Variants in SOX6 observed in about 807,000 individuals in gnomAD.
The protein encoded by SOX6 is transcription factor SOX-6.
SOX6 carries 11 observed loss-of-function variants against 97.8 expected under a neutral mutation model. The ratio of observed to expected loss-of-function variants is 0.11; its 90% CI spans 0.07 to 0.19. The LOEUF (loss-of-function observed/expected upper bound fraction) is 0.19, where lower values mean the gene tolerates loss of function less well. Ranked by LOEUF, SOX6 falls within the 10% of genes least tolerant of loss-of-function variation. The probability of loss-of-function intolerance (pLI) is 1.00; values close to 1 mark genes in which losing one functional copy is unlikely to be tolerated. For missense variants in SOX6, 810 were observed against 1,039.5 expected, an observed-to-expected ratio of 0.78 and a Z score of 3.04; for synonymous variants, 360 against 371.4, an observed-to-expected ratio of 0.97 and a Z score of 0.35.
chr11:16,134,758 G>A (rs1023443256), intron 6 of SOX6, among the ~76,000 whole-genome samples: 6 of 152,202 alleles, frequency 3.9e-5, no homozygotes, highest in African/African-American at 1.4e-4. Flanking sequence ...CCACTGACCA[G>A]CTGTTCCCCT....
chr11:16,046,772 C>A, intron 11 of SOX6, 71 bp from the exon 12 acceptor site: 1 of 1,460,824 alleles, frequency 6.8e-7, no homozygotes, highest in Non-Finnish European at 9.5e-7. Flanking sequence ...ACTATCCCCT[C>A]CCCTGTAGAA....
At chr11:16,438,840 T>C (rs994020088) in intron 1 of SOX6, among the ~76,000 whole-genome samples, 3 of 152,160 alleles carry the variant, frequency 2.0e-5, no homozygotes, top group African/African-American at 7.2e-5. Context: ...GAGATCCCCT[T>C]GCTCGCTCCT....
At position 16,341,064 on chromosome 11, in the gene SOX6, G is replaced by C. The variant is rs1337316371; in HGVS notation, c.185C>G (p.Thr62Ser). Residue 62 changes from threonine to serine, a missense_variant, in exon 2 of 16, where the codon ACC (threonine) becomes AGC (serine). By Grantham distance (58) the Thr-to-Ser change is moderately conservative. Around this residue, in one of 9 missense-constraint regions of SOX6, gnomAD observed 100 missense variants for 94.6 expected, o/e 1.06. Transcript: ENST00000683767. Reference protein sequence around the residue: ...HSEELPTLVSTIQQDADWDSV... With the variant: ...HSEELPTLVSSIQQDADWDSV... ...GTCCCAGTCAGCATCTTGTTGAATGGTACTGACAAGTGTTGGTAGCTCCTC... is the reference window on the plus strand; with the variant it reads ...GTCCCAGTCAGCATCTTGTTGAATGCTACTGACAAGTGTTGGTAGCTCCTC... 6.2e-7 allele frequency: 1 copy of C among 1,613,450 alleles called. No individual in the cohort carries two copies. Among genetic ancestry groups the C allele is most frequent in the Admixed American group, 1.7e-5 (1 of 59,958 alleles).
intron 11 of SOX6, among the ~76,000 whole-genome samples, chr11:16,047,965 G>A (rs549358058): frequency 2.9e-4 from 44 of 152,064 alleles, no homozygotes; most frequent in African/African-American, 9.9e-4. Flanking sequence ...TCACCTGGAC[G>A]AGAGTGCTGT....
At chr11:16,621,638 TAATA>T (rs1355639500) in intron 3 of SOX6, among the ~76,000 whole-genome samples, 2 of 152,204 alleles carry the variant, frequency 1.3e-5, no homozygotes, top group African/African-American at 2.4e-5. Context: ...GCATAGAGTT[TAATA>T]AATCAACTAT....
intron 6 of SOX6, among the ~76,000 whole-genome samples, chr11:16,132,504 G>GC (rs201242008): frequency 0.03 from 4,347 of 145,564 alleles, 537 homozygotes; most frequent in Admixed American, 0.038. Flanking sequence ...AAGAAAGAAA[G>GC]AAAGCTTATC....
At chr11:16,408,645 CAGGATG>C (rs1858733410) in intron 1 of SOX6, 3 of 152,038 alleles carry the variant, frequency 2.0e-5, no homozygotes, top group Admixed American at 6.5e-5. Flanking sequence ...CTATTTTTTA[CAGGATG>C]AAATGAGATG....
chr11:15,978,903 A>T (rs903191565), intron 15 of SOX6, among the ~76,000 whole-genome samples: 1 of 138,552 alleles, frequency 7.2e-6, no homozygotes, highest in African/African-American at 2.6e-5. Context: ...TATTATATAT[A>T]ATATATATAA....
At chr11:16,411,299 T>C (rs1404203115) in intron 1 of SOX6, among the ~76,000 whole-genome samples, 2 of 152,170 alleles carry the variant, frequency 1.3e-5, no homozygotes, top group Non-Finnish European at 2.9e-5. Flanking sequence ...TTTAAAATTG[T>C]TCTAATGAGG....
At chr11:16,078,479 C>T (rs1208231050) in intron 9 of SOX6, among the ~76,000 whole-genome samples, 1 of 152,046 alleles carries the variant, frequency 6.6e-6, no homozygotes, top group Non-Finnish European at 1.5e-5. Flanking sequence ...GAATATATGT[C>T]AATTTACCAA....
chr11:16,421,810 G>C (rs1175071094), intron 1 of SOX6, among the ~76,000 whole-genome samples: 4 of 152,202 alleles, frequency 2.6e-5, no homozygotes, highest in Non-Finnish European at 5.9e-5. Flanking sequence ...TTAAGTATTG[G>C]AGTGAAAGCA....
At chr11:16,156,037 G>C (rs1200735940) in intron 6 of SOX6, among the ~76,000 whole-genome samples, 1 of 151,942 alleles carries the variant, frequency 6.6e-6, no homozygotes, top group South Asian at 2.1e-4. Context: ...CAGTTCCAGT[G>C]ATTTAGATTG....
At chr11:16,343,367 C>T (rs1364923455) in intron 1 of SOX6, among the ~76,000 whole-genome samples, 1 of 151,906 alleles carries the variant, frequency 6.6e-6, no homozygotes, top group African/African-American at 2.4e-5. Flanking sequence ...CCTCAACAAA[C>T]ATCCTCTTAT....
chr11:16,468,161 T>C (rs1389169359), intron 1 of SOX6, among the ~76,000 whole-genome samples: 2 of 152,200 alleles, frequency 1.3e-5, no homozygotes, highest in Non-Finnish European at 2.9e-5. Context: ...ACTGAATCAC[T>C]TTAATGTTGA....
chr11:16,554,335 G>A (rs1459686028), intron 4 of SOX6, among the ~76,000 whole-genome samples: 2 of 152,066 alleles, frequency 1.3e-5, no homozygotes, highest in Non-Finnish European at 1.5e-5. Context: ...AATCACAACA[G>A]AATGACCTGG....
chr11:16,361,002 CA>C (rs763865872), upstream of SOX6, among the ~76,000 whole-genome samples: 69 of 136,718 alleles, frequency 5.0e-4, no homozygotes, highest in Admixed American at 1.1e-3. Flanking sequence ...GACTCCATCT[CA>C]AAAAAAAAAA....
intron 6 of SOX6, among the ~76,000 whole-genome samples, chr11:16,173,420 A>G (rs1019177600): frequency 3.3e-5 from 5 of 151,892 alleles, no homozygotes; most frequent in African/African-American, 1.2e-4. Flanking sequence ...CTCCATATCA[A>G]TGCAGTATCT....
chr11:16,621,002 A>C (rs1848538129), intron 3 of SOX6, among the ~76,000 whole-genome samples: 1 of 152,208 alleles, frequency 6.6e-6, no homozygotes, highest in South Asian at 2.1e-4. Context: ...CTAAGCACCC[A>C]AAATGTGAAC....
chr11:16,575,629 CA>C (rs1847979824), intron 4 of SOX6, among the ~76,000 whole-genome samples: 1 of 152,118 alleles, frequency 6.6e-6, no homozygotes, highest in Non-Finnish European at 1.5e-5. Flanking sequence ...ATAGATTCTG[CA>C]TGATTCCATT....
Sources: gnomAD v4.1 joint callset for allele counts (sites outside exome capture counted in the v4.1 genomes callset) on GRCh38, gnomAD v4.1.1 for gene constraint, gnomAD v4.1.1 regional missense constraint, MANE v1.5 for transcripts, NCBI Gene and HGNC (gene_info 2026-07-23, HGNC 2026-07-21) for gene names.